MEI4: variants seen among roughly 807,000 people sequenced by gnomAD.
MEI4 encodes meiosis-specific protein MEI4.
In MEI4, 27 loss-of-function variants were observed where a neutral mutation model predicts 31.4. That is an observed-to-expected ratio of 0.86 (90% CI 0.63 to 1.19). MEI4 has a LOEUF of 1.19. Among genes scored for constraint, MEI4 ranks in the 50% most tolerant of loss-of-function variants. MEI4 has a pLI of 0.00. For missense variants in MEI4, 329 were observed against 398.9 expected, an observed-to-expected ratio of 0.82 and a Z score of 1.49; for synonymous variants, 122 against 145.4, an observed-to-expected ratio of 0.84 and a Z score of 1.16.
At chr6:77,798,343 T>C (rs1479632572) in intron 3 of MEI4, among the ~76,000 whole-genome samples, 2 of 151,402 alleles carry the variant, frequency 1.3e-5, no homozygotes, top group African/African-American at 4.8e-5. Flanking sequence ...CAAATATTTG[T>C]TTAATAAATA....
chr6:77,693,482 T>C (rs1769198221), intron 2 of MEI4, among the ~76,000 whole-genome samples: 1 of 152,082 alleles, frequency 6.6e-6, no homozygotes, highest in Non-Finnish European at 1.5e-5. Context: ...ATAGCTTGTT[T>C]TTATGCTGAA....
At chr6:77,738,555 A>G (rs958248824) in intron 2 of MEI4, among the ~76,000 whole-genome samples, 11 of 152,118 alleles carry the variant, frequency 7.2e-5, no homozygotes, top group Admixed American at 2.6e-4. Context: ...ATAAACATAC[A>G]TGTGCATGTG....
At chr6:77,728,375 C>A (rs892155316) in intron 2 of MEI4, among the ~76,000 whole-genome samples, 3 of 151,680 alleles carry the variant, frequency 2.0e-5, no homozygotes, top group African/African-American at 7.3e-5. Flanking sequence ...AAAGATACTA[C>A]ACATCATGCA....
intron 3 of MEI4, among the ~76,000 whole-genome samples, chr6:77,784,674 A>G (rs1768685605): frequency 1.3e-5 from 2 of 152,192 alleles, no homozygotes; most frequent in African/African-American, 4.8e-5. Flanking sequence ...TAAAATTTGC[A>G]GTCTGTTAAG....
chr6:77,922,433 T>A (rs2127743236), intron 4 of MEI4, among the ~76,000 whole-genome samples: 1 of 151,850 alleles, frequency 6.6e-6, no homozygotes, highest in Non-Finnish European at 1.5e-5. Context: ...TAGCTAATGA[T>A]AAAGCCAGTT....
At chr6:77,867,589 A>G (rs1771074391) in intron 4 of MEI4, among the ~76,000 whole-genome samples, 1 of 152,198 alleles carries the variant, frequency 6.6e-6, no homozygotes. Flanking sequence ...GAGGATGTGG[A>G]GAAATAGGAA....
intron 4 of MEI4, among the ~76,000 whole-genome samples, chr6:77,886,748 T>A (rs1771629749): frequency 1.3e-5 from 2 of 152,114 alleles, no homozygotes; most frequent in African/African-American, 4.8e-5. Flanking sequence ...AGAGTATAAT[T>A]GTTTATATTA....
intron 4 of MEI4, among the ~76,000 whole-genome samples, chr6:77,870,574 C>T (rs1253677471): frequency 6.7e-6 from 1 of 149,036 alleles, no homozygotes; most frequent in Non-Finnish European, 1.5e-5. Context: ...AATTCTGGCA[C>T]AACTTTTTTT....
chr6:77,741,579 A>G lies in MEI4; in HGVS notation c.233-19551A>G, dbSNP rs372157094. Among the ~76,000 whole-genome samples the G allele has an allele frequency of 1.6e-4, 24 of 152,280 alleles. No homozygotes were observed. In the South Asian group the frequency reaches 4.8e-3, roughly 30 times the overall value. ...ATGTCCACTTGATGGGTCATGAAGT[A>G]TCCAGATGTTTGATCCAACATCATT... On this transcript the variant is annotated intron_variant, in intron 2 of 4. Coordinates refer to ENST00000684080, the MANE Select transcript of MEI4 (RefSeq NM_001322247.2).
chr6:77,885,630 C>T (rs1013162765), intron 4 of MEI4, among the ~76,000 whole-genome samples: 1 of 151,682 alleles, frequency 6.6e-6, no homozygotes, highest in African/African-American at 2.4e-5. Flanking sequence ...GATAATTTAA[C>T]TTTCTCTCTT....
At chr6:77,855,132 C>T (rs1364341351) in intron 4 of MEI4, among the ~76,000 whole-genome samples, 12 of 152,012 alleles carry the variant, frequency 7.9e-5, no homozygotes, top group Admixed American at 7.9e-4. Flanking sequence ...CACCTGAGGT[C>T]AGGAGTTTGA....
At chr6:77,732,186 GGGA>G (rs1434238625) in intron 2 of MEI4, among the ~76,000 whole-genome samples, 1 of 151,628 alleles carries the variant, frequency 6.6e-6, no homozygotes, top group African/African-American at 2.4e-5. Context: ...TAGCTTGATG[GGGA>G]TGGCATTGAA....
intron 4 of MEI4, among the ~76,000 whole-genome samples, chr6:77,881,022 C>A (rs1771476867): frequency 6.6e-6 from 1 of 151,318 alleles, no homozygotes; most frequent in Non-Finnish European, 1.5e-5. Flanking sequence ...TGTCAGTAAA[C>A]ATGACCTCAT....
chr6:77,674,204 AAATTCT>A (rs1768799273), intron 1 of MEI4, among the ~76,000 whole-genome samples: 5 of 152,260 alleles, frequency 3.3e-5, no homozygotes, highest in Admixed American at 2.6e-4. Context: ...TTCTTTATTC[AAATTCT>A]ATGTTTAGGC....
intron 1 of MEI4, among the ~76,000 whole-genome samples, chr6:77,668,887 A>G (rs1346784486): frequency 1.3e-5 from 2 of 152,166 alleles, no homozygotes; most frequent in East Asian, 1.9e-4. Context: ...TGTTTTTTCT[A>G]AAGTGCCAGC....
At chr6:77,707,375 G>A (rs1246408632) in intron 2 of MEI4, among the ~76,000 whole-genome samples, 1 of 152,116 alleles carries the variant, frequency 6.6e-6, no homozygotes, top group Non-Finnish European at 1.5e-5. Context: ...GATGTGCTGT[G>A]GCTGCTTCTA....
chr6:77,764,239 C>A (rs1768112241), intron 3 of MEI4, among the ~76,000 whole-genome samples: 1 of 152,120 alleles, frequency 6.6e-6, no homozygotes, highest in African/African-American at 2.4e-5. Flanking sequence ...TCTTATAAGT[C>A]ATCCAGATTG....
intron 1 of MEI4, among the ~76,000 whole-genome samples, chr6:77,686,883 T>TTTTTTTTTTTTC (rs1769065734): frequency 6.6e-6 from 1 of 151,080 alleles, no homozygotes; most frequent in African/African-American, 2.4e-5. Context: ...CTCTTTTTTT[T>TTTTTTTTTTTTC]TGTAGATGTT....
chr6:77,737,222 AT>A lies in MEI4; in HGVS notation c.233-23905del, dbSNP rs1269799512. 2.6e-5 allele frequency among the ~76,000 whole-genome samples: 4 copies of A among 152,322 alleles called. No individual in the cohort carries two copies. The East Asian group carries it at 7.7e-4, about 29-fold the overall frequency. ...ACAGTATACTTTCCATAAGTTATTT[AT>A]TTAGGTTATCTGATGGATAAGGCTA... On this transcript the variant is annotated intron_variant, in intron 2 of 4. Coordinates refer to ENST00000684080, the MANE Select transcript of MEI4 (RefSeq NM_001322247.2).
Sources: allele counts gnomAD v4.1 joint callset (sites outside exome capture counted in the v4.1 genomes callset), GRCh38; gene constraint gnomAD v4.1.1; transcripts MANE v1.5; gene names NCBI Gene and HGNC (gene_info 2026-07-23, HGNC 2026-07-21).